The following FREY1 variants were observed in gnomAD, a reference collection of about 807,000 sequenced individuals.
The protein encoded by FREY1 is Frey regulator of sperm-oocyte fusion 1, also known as protein Frey 1.
chr11:45,906,683 G>T, the FREY1 span: 1 of 1,584,244 alleles, frequency 6.3e-7, no homozygotes, highest in Admixed American at 1.8e-5. Context: ...TGGGGAGGAT[G>T]CCATAGTCTA....
chr11:45,907,135 C>T, the FREY1 span: 1 of 1,556,072 alleles, frequency 6.4e-7, no homozygotes, highest in South Asian at 1.2e-5. Flanking sequence ...CTCTGTGCCC[C>T]AGGAGTCACC....
At chr11:45,906,872 C>T in the FREY1 span, 2 of 1,613,262 alleles carry the variant, frequency 1.2e-6, no homozygotes, top group South Asian at 2.2e-5. Flanking sequence ...ATACTACCAT[C>T]CACCAGGCCG....
chr11:45,906,537 G>A, the FREY1 span: 2 of 1,505,276 alleles, frequency 1.3e-6, no homozygotes, highest in Admixed American at 4.6e-5. Context: ...CCAAGCCTTT[G>A]TCACACATGG....
the FREY1 span, chr11:45,906,708 G>A: frequency 3.8e-6 from 6 of 1,576,882 alleles, no homozygotes; most frequent in South Asian, 1.2e-5. Context: ...GAGAAAAGAG[G>A]GCATGGGTGG....
chr11:45,906,544 A>G, the FREY1 span: 568 of 1,511,158 alleles, frequency 3.8e-4, 4 homozygotes, highest in Non-Finnish European at 1.1e-4. Context: ...TTTGTCACAC[A>G]TGGTATCTTT....
chr11:45,906,964 T>C, the FREY1 span: 3 of 1,613,210 alleles, frequency 1.9e-6, no homozygotes, highest in Non-Finnish European at 2.5e-6. Flanking sequence ...GTCGGGGTGC[T>C]CAGCCCTGGC....
chr11:45,906,980 A>C, the FREY1 span: 17 of 1,609,700 alleles, frequency 1.1e-5, no homozygotes, highest in South Asian at 1.6e-4. Context: ...CTGGCCCAGA[A>C]GGCCACCGCC....
chr11:45,906,603 TC>T, the FREY1 span: 2 of 1,580,174 alleles, frequency 1.3e-6, no homozygotes, highest in Non-Finnish European at 1.7e-6. Context: ...CTCGGCAAGG[TC>T]GGGCCCGTCC....
the FREY1 span, chr11:45,907,089 G>A: frequency 1.3e-6 from 2 of 1,526,824 alleles, no homozygotes; most frequent in Non-Finnish European, 1.8e-6. Context: ...AGAGGGGAGG[G>A]GCAGCACCTC....
the FREY1 span, chr11:45,906,999 G>T: frequency 6.3e-7 from 1 of 1,593,562 alleles, no homozygotes; most frequent in African/African-American, 1.3e-5. Context: ...CCACCTCCTT[G>T]TGAATGGGGG....
At chr11:45,906,581 A>G in the FREY1 span, 9 of 1,558,844 alleles carry the variant, frequency 5.8e-6, no homozygotes, top group South Asian at 1.2e-5. Flanking sequence ...ATAGGTGTGC[A>G]TCATAGTAAT....
the FREY1 span, chr11:45,906,735 C>CTGA: frequency 6.3e-7 from 1 of 1,576,628 alleles, no homozygotes. Flanking sequence ...GCAGCTGGCT[C>CTGA]TGATGGAACT....
the FREY1 span, chr11:45,907,142 C>T: frequency 6.4e-7 from 1 of 1,556,786 alleles, no homozygotes; most frequent in African/African-American, 1.4e-5. Flanking sequence ...CCCCAGGAGT[C>T]ACCTCAGAGG....
At chr11:45,906,993 C>T in the FREY1 span, 2 of 1,602,876 alleles carry the variant, frequency 1.2e-6, no homozygotes, top group South Asian at 2.2e-5. Context: ...CCACCGCCAC[C>T]TCCTTGTGAA....
the FREY1 span, chr11:45,907,224 C>T: frequency 2.6e-5 from 41 of 1,553,022 alleles, no homozygotes; most frequent in Non-Finnish European, 3.4e-5. Context: ...GGGTGCAGAG[C>T]CCCCAGCATG....
chr11:45,907,194 A>G, the FREY1 span: 1 of 1,557,256 alleles, frequency 6.4e-7, no homozygotes, highest in East Asian at 2.4e-5. Flanking sequence ...AGGTGGAGGA[A>G]GAGGCTGAGC....
chr11:45,906,653 C>A, the FREY1 span: 2 of 1,592,926 alleles, frequency 1.3e-6, no homozygotes, highest in South Asian at 2.2e-5. Context: ...GGGGTCGAGG[C>A]CCTCGCGGCC....
the FREY1 span, chr11:45,907,245 T>C: frequency 6.5e-7 from 1 of 1,545,640 alleles, no homozygotes. Context: ...GCGAGAACCA[T>C]CTCCTACACG....
At chr11:45,907,214 G>T in the FREY1 span, 1 of 1,555,240 alleles carries the variant, frequency 6.4e-7, no homozygotes, top group Non-Finnish European at 8.7e-7. Flanking sequence ...CCCAGCCCGG[G>T]GGTGCAGAGC....
Sources: gnomAD v4.1 joint callset for allele counts on GRCh38, gnomAD v4.1.1 for gene constraint, MANE v1.5 for transcripts, NCBI Gene and HGNC (gene_info 2026-07-23, HGNC 2026-07-21) for gene names.